NR2C2: variants seen among roughly 807,000 people sequenced by gnomAD.
NR2C2 encodes the protein Nuclear hormone receptor TR4.
In NR2C2, 6 loss-of-function variants were observed where a neutral mutation model predicts 62.9. The ratio of observed to expected loss-of-function variants is 0.10; its 90% CI spans 0.05 to 0.19. The LOEUF (loss-of-function observed/expected upper bound fraction) is 0.19. Ranked by LOEUF, NR2C2 falls within the 10% of genes least tolerant of loss-of-function variation. The pLI is 1.00. For missense variants in NR2C2, 479 were observed against 762.7 expected, an observed-to-expected ratio of 0.63 and a Z score of 4.38; for synonymous variants, 272 against 273.8, an observed-to-expected ratio of 0.99 and a Z score of 0.07.
chr3:15,003,983 T>C lies in NR2C2; in HGVS notation c.69T>C (p.Ile23=). 6 of 1,607,580 alleles carry C rather than the reference T, an allele frequency of 3.7e-6. No homozygotes were observed. The highest frequency in any genetic ancestry group is 4.2e-6 in the Non-Finnish European group (5 of 1,177,432). Residue 23 remains isoleucine, a synonymous_variant, in exon 2 of 14, where the codon ATT becomes ATC. Coordinates refer to ENST00000425241, the MANE Select transcript of NR2C2 (RefSeq NM_001291694.2). ...TDSAVASPQR[I]QIVTDQQTGQ... is the part of the protein sequence containing the mutation. ...CTGCTGTAGCCTCACCTCAGCGCAT[T>C]CAGGTACCTGCAACCTGCCAATGGC...
intron 4 of NR2C2, among the ~76,000 whole-genome samples, chr3:15,018,007 CT>C (rs1420288056): frequency 6.6e-6 from 1 of 151,258 alleles, no homozygotes; most frequent in East Asian, 1.9e-4. Context: ...GGAGGGGCCG[CT>C]TTTTTTTTGA....
intron 6 of NR2C2, 80 bp downstream of exon 6, chr3:15,023,427 G>A: frequency 6.6e-7 from 1 of 1,517,140 alleles, no homozygotes. Flanking sequence ...AGGCACTGTT[G>A]TGGCTTCCCA....
chr3:14,947,765 CCCCGCGAG>C lies in NR2C2; in HGVS notation c.-174_-167del, dbSNP rs1574907128. On this transcript the variant is annotated 5_prime_UTR_variant, in exon 1 of 14. Coordinates refer to ENST00000425241, the MANE Select transcript of NR2C2 (RefSeq NM_001291694.2). The stretch of plus-strand genomic sequence containing the variant: ...TCGGCGTCTCGTCTCTCGCCCGCTG[CCCCGCGAG>C]CCCGCGGCCCCCGGGCTCCCGCCAT... 1 of 149,786 alleles carries C rather than the reference CCCCGCGAG, an allele frequency of 6.7e-6. No individual in the cohort carries two copies. Among genetic ancestry groups the C allele is most frequent in the Non-Finnish European group, 1.5e-5 (1 of 67,116 alleles). 9.3% of individuals were successfully genotyped at this position (149,786 alleles called of 1,614,324 possible). A position where few individuals can be genotyped will look rare whatever the true frequency, so the allele number is the denominator to read the frequency against.
intron 1 of NR2C2, 75 bp downstream of exon 1, chr3:14,947,981 G>C (rs923525698): frequency 3.3e-5 from 5 of 151,976 alleles, no homozygotes; most frequent in Admixed American, 6.6e-5. Context: ...ACATGGAGGC[G>C]CCGCGGCGGC....
intron 7 of NR2C2, among the ~76,000 whole-genome samples, chr3:15,024,963 C>T (rs1346059539): frequency 2.6e-5 from 4 of 152,222 alleles, no homozygotes; most frequent in African/African-American, 9.6e-5. Flanking sequence ...AGGGCATCCT[C>T]TTTTGGGAAA....
chr3:14,951,339 A>C (rs2039349591), intron 1 of NR2C2, among the ~76,000 whole-genome samples: 1 of 152,230 alleles, frequency 6.6e-6, no homozygotes, highest in Non-Finnish European at 1.5e-5. Context: ...TGCTTTACCA[A>C]GGTTAAAAGC....
chr3:15,007,656 T>C (rs1162212990), intron 2 of NR2C2, among the ~76,000 whole-genome samples: 3 of 152,192 alleles, frequency 2.0e-5, no homozygotes, highest in Admixed American at 6.5e-5. Context: ...GTAAATATTT[T>C]AGGAATGAAT....
chr3:14,972,254 A>G (rs1194653824), intron 1 of NR2C2, among the ~76,000 whole-genome samples: 6 of 142,760 alleles, frequency 4.2e-5, no homozygotes, highest in Non-Finnish European at 6.0e-5. Context: ...GGCTCACTGT[A>G]ACCTCCGCCT....
rs150893684 is a variant in NR2C2, at chr3:14,952,367, TCC to T, written c.-40+4462_-40+4463del. Among the ~76,000 whole-genome samples, 4 of 152,286 alleles carry T rather than the reference TCC, an allele frequency of 2.6e-5. No homozygotes were observed. The East Asian group carries it at 7.7e-4, about 29-fold the overall frequency. On this transcript the variant is annotated intron_variant, in intron 1 of 13. Transcript: ENST00000425241. ...GAGTGTCTCCACATATCGAGGGCCCTCCGTTGGGATTTTTATTGTTGAGTTCT... is the reference window on the plus strand; with the variant it reads ...GAGTGTCTCCACATATCGAGGGCCCTGTTGGGATTTTTATTGTTGAGTTCT...
intron 12 of NR2C2, 70 bp downstream of exon 12, chr3:15,038,207 G>A: frequency 6.8e-7 from 1 of 1,472,858 alleles, no homozygotes; most frequent in Non-Finnish European, 9.1e-7. Context: ...ACGTGAACAT[G>A]TTGTCATCAT....
intron 5 of NR2C2, among the ~76,000 whole-genome samples, chr3:15,021,960 A>G (rs2041680081): frequency 6.6e-6 from 1 of 152,262 alleles, no homozygotes; most frequent in Non-Finnish European, 1.5e-5. Context: ...CAAAGTGAAT[A>G]AATAAATCAC....
chr3:14,995,097 C>G (rs543319343), intron 1 of NR2C2, among the ~76,000 whole-genome samples: 1 of 147,148 alleles, frequency 6.8e-6, no homozygotes, highest in East Asian at 2.1e-4. Flanking sequence ...CCTCTGGGTT[C>G]AAGTGAGTCT....
rs1183675673 is a variant in NR2C2 at position 15,048,130 on chromosome 3, T to C, written c.*5122T>C. 6.6e-6 allele frequency: 1 copy of C among 152,656 alleles called. No individual in the cohort carries two copies. Among genetic ancestry groups the C allele is most frequent in the African/African-American group, 2.4e-5 (1 of 41,444 alleles). 9.5% of individuals were successfully genotyped at this position (152,656 alleles called of 1,614,324 possible). A position where few individuals can be genotyped will look rare whatever the true frequency, so the allele number is the denominator to read the frequency against. On this transcript the variant is annotated 3_prime_UTR_variant, in exon 14 of 14. Transcript: ENST00000425241. The stretch of plus-strand genomic sequence containing the variant: ...TTTTTAAAATAAGTTATCAAAATGT[T>C]TTAAAAACACTTTATGAGACCATAG...
rs2042355658 is a variant in NR2C2, at chr3:15,043,803, C to T, written c.*795C>T. The T allele has an allele frequency of 6.6e-6, 1 of 152,224 alleles. No individual in the cohort carries two copies. Among genetic ancestry groups the T allele is most frequent in the African/African-American group, 2.4e-5 (1 of 41,448 alleles). 9.4% of individuals were successfully genotyped at this position (152,224 alleles called of 1,614,324 possible). On this transcript the variant is annotated 3_prime_UTR_variant, in exon 14 of 14. Transcript: ENST00000425241. ...AGACTCCTCTAGAACCTGGGGTTCTCCTTTGATGACTGGTTATCTGAATTG... is the reference window on the plus strand; with the variant it reads ...AGACTCCTCTAGAACCTGGGGTTCTTCTTTGATGACTGGTTATCTGAATTG...
chr3:14,969,170 C>G (rs1488617125), intron 1 of NR2C2, among the ~76,000 whole-genome samples: 1 of 151,594 alleles, frequency 6.6e-6, no homozygotes, highest in Non-Finnish European at 1.5e-5. Context: ...AAAAATTTCC[C>G]TCTATAACTG....
chr3:15,045,224 G>A lies in NR2C2; in HGVS notation c.*2216G>A, dbSNP rs1399234372. 3 of 152,164 alleles carry A rather than the reference G, an allele frequency of 2.0e-5. No homozygotes were observed. The highest frequency in any genetic ancestry group is 4.4e-5 in the Non-Finnish European group (3 of 68,046). 9.4% of individuals were successfully genotyped at this position (152,164 alleles called of 1,614,324 possible). A position where few individuals can be genotyped will look rare whatever the true frequency, so the allele number is the denominator to read the frequency against. On this transcript the variant is annotated 3_prime_UTR_variant, in exon 14 of 14. Transcript: ENST00000425241. ...CGTTTTGATCCTTGAGAGTGACCAT[G>A]AGGGCCATGTTGCAGTTCCCTGGGA...
At chr3:14,974,073 A>G (rs1439793086) in intron 1 of NR2C2, among the ~76,000 whole-genome samples, 2 of 152,200 alleles carry the variant, frequency 1.3e-5, no homozygotes, top group African/African-American at 4.8e-5. Flanking sequence ...CTGAAACTCT[A>G]TACTTATTAA....
At chr3:15,042,773 G>C in intron 13 of NR2C2, 61 bp from the exon 14 acceptor site, 1 of 1,521,642 alleles carries the variant, frequency 6.6e-7, no homozygotes, top group South Asian at 1.2e-5. Context: ...AGGAGCCTTT[G>C]CTGAGCTGTG....
At chr3:15,013,540 T>A (rs765411455) in intron 2 of NR2C2, 49 bp from the exon 3 acceptor site, 3 of 1,558,664 alleles carry the variant, frequency 1.9e-6, no homozygotes, top group African/African-American at 2.7e-5. Flanking sequence ...TGCAAATGCA[T>A]GGGTCTTGTG....
Sources: allele counts gnomAD v4.1 joint callset (sites outside exome capture counted in the v4.1 genomes callset), GRCh38; gene constraint gnomAD v4.1.1; transcripts MANE v1.5; gene names NCBI Gene and HGNC (gene_info 2026-07-23, HGNC 2026-07-21).